SGCZ: variants seen among roughly 807,000 people sequenced by gnomAD.
The protein encoded by SGCZ is zeta-sarcoglycan.
SGCZ carries 40 observed loss-of-function variants against 41.3 expected under a neutral mutation model. That is an observed-to-expected ratio of 0.97 (90% CI 0.75 to 1.26). The LOEUF (loss-of-function observed/expected upper bound fraction) is 1.26. Ranked by LOEUF, SGCZ falls within the 50% of genes most tolerant of loss-of-function variation. SGCZ has a pLI of 0.00. For synonymous variants in SGCZ, 206 were observed against 137.5 expected (o/e 1.50, Z -3.49); for missense variants, 552 against 369.8 (o/e 1.49, Z -4.04).
rs115819974 is a variant in SGCZ, at chr8:14,438,578, C to T, written c.235-114374G>A. Among the ~76,000 whole-genome samples the T allele has an allele frequency of 6.6e-3, 1,009 of 151,780 alleles. 11 individuals carry two copies. Among genetic ancestry groups the T allele is most frequent in the African/African-American group, 0.024 (976 of 41,456 alleles). ...CCATGAAAAAGCATAAAAAGTGTTC[C>T]TAGAGGGAATTAGGAAAGAAAAATT... On this transcript the variant is annotated intron_variant, in intron 2 of 7. Coordinates refer to ENST00000382080, the MANE Select transcript of SGCZ (RefSeq NM_139167.4).
intron 5 of SGCZ, among the ~76,000 whole-genome samples, chr8:14,112,941 G>T (rs1370450115): frequency 2.0e-5 from 3 of 151,932 alleles, no homozygotes; most frequent in Non-Finnish European, 4.4e-5. Context: ...ATATTAATTG[G>T]CATTTATTGT....
intron 2 of SGCZ, among the ~76,000 whole-genome samples, chr8:14,416,854 T>C (rs756819661): frequency 6.6e-6 from 1 of 151,860 alleles, no homozygotes; most frequent in Non-Finnish European, 1.5e-5. Context: ...AGTAGAATAA[T>C]GAGTATAAAA....
At position 15,090,483 on chromosome 8, in the gene SGCZ, C is replaced by T. The variant is rs533210855; in HGVS notation, c.39+147102G>A. Among the ~76,000 whole-genome samples, 3 of 152,162 alleles carry T rather than the reference C, an allele frequency of 2.0e-5. No homozygotes were observed. In the South Asian group the frequency reaches 6.2e-4, roughly 32 times the overall value. On this transcript the variant is annotated intron_variant, in intron 1 of 7. Coordinates refer to ENST00000382080, the MANE Select transcript of SGCZ (RefSeq NM_139167.4). Reference sequence around the variant, plus strand: ...CTCTAAGTCATGTCCAATCAGGCTGCCCATAGGGCTGCACCCAGGAGGGAA... The same window carrying T: ...CTCTAAGTCATGTCCAATCAGGCTGTCCATAGGGCTGCACCCAGGAGGGAA...
At chr8:14,709,711 T>G (rs1310925590) in intron 1 of SGCZ, among the ~76,000 whole-genome samples, 2 of 152,068 alleles carry the variant, frequency 1.3e-5, no homozygotes, top group South Asian at 4.1e-4. Context: ...TATTTAAAAC[T>G]AAATCTTCGT....
At chr8:14,165,755 G>A (rs1349894612) in intron 4 of SGCZ, among the ~76,000 whole-genome samples, 1 of 152,080 alleles carries the variant, frequency 6.6e-6, no homozygotes, top group African/African-American at 2.4e-5. Flanking sequence ...TTATTTATTA[G>A]ATATATGACA....
Position 14,871,219 on chromosome 8 carries a change from A to G in SGCZ, c.40-316293T>C, listed in dbSNP as rs546209810. On this transcript the variant is annotated intron_variant, in intron 1 of 7. Coordinates refer to ENST00000382080, the MANE Select transcript of SGCZ (RefSeq NM_139167.4). The stretch of plus-strand genomic sequence containing the variant: ...TGAAACGCTCTCTCAACAACAAAAA[A>G]AAAAGTCAGGAAACAACAGATGCTG... Among the ~76,000 whole-genome samples the G allele has an allele frequency of 6.9e-4, 105 of 152,268 alleles. 1 individual carries two copies. The highest frequency in any genetic ancestry group is 9.2e-4 in the Admixed American group (14 of 15,286).
intron 2 of SGCZ, among the ~76,000 whole-genome samples, chr8:14,440,856 C>A (rs548901642): frequency 8.1e-6 from 1 of 122,774 alleles, no homozygotes; most frequent in Non-Finnish European, 1.9e-5. Context: ...TATATGTACA[C>A]ACACACACAC....
chr8:15,157,074 T>C (rs1455889887), intron 1 of SGCZ, among the ~76,000 whole-genome samples: 6 of 152,106 alleles, frequency 3.9e-5, no homozygotes. Context: ...ACCTCCAATT[T>C]ACATGAGCAT....
At chr8:14,823,515 A>C (rs1258437782) in intron 1 of SGCZ, among the ~76,000 whole-genome samples, 1 of 152,204 alleles carries the variant, frequency 6.6e-6, no homozygotes, top group Admixed American at 6.5e-5. Context: ...CTACAACTTA[A>C]AGTTACAATA....
chr8:14,093,630 G>A (rs1269809875), intron 7 of SGCZ, among the ~76,000 whole-genome samples: 1 of 152,090 alleles, frequency 6.6e-6, no homozygotes, highest in Non-Finnish European at 1.5e-5. Context: ...ATGGGAGGTA[G>A]CTTTCCACTT....
intron 1 of SGCZ, among the ~76,000 whole-genome samples, chr8:14,601,937 G>A (rs1350959488): frequency 2.6e-5 from 4 of 152,006 alleles, no homozygotes; most frequent in Admixed American, 1.3e-4. Context: ...GGGCTAACAC[G>A]GTGAAACCCC....
At chr8:14,316,476 A>G (rs1434396508) in intron 3 of SGCZ, among the ~76,000 whole-genome samples, 1 of 152,006 alleles carries the variant, frequency 6.6e-6, no homozygotes, top group Non-Finnish European at 1.5e-5. Flanking sequence ...GCCTGACTCA[A>G]CTGTAATTTA....
chr8:14,440,656 T>C (rs953434667), intron 2 of SGCZ, among the ~76,000 whole-genome samples: 3 of 149,924 alleles, frequency 2.0e-5, no homozygotes, highest in South Asian at 2.1e-4. Flanking sequence ...TATACATGTA[T>C]ATATGTGTCT....
At chr8:14,719,928 C>G (rs1809824563) in intron 1 of SGCZ, among the ~76,000 whole-genome samples, 1 of 151,992 alleles carries the variant, frequency 6.6e-6, no homozygotes. Flanking sequence ...AAGTCCTTGT[C>G]CATGCCTATG....
intron 1 of SGCZ, among the ~76,000 whole-genome samples, chr8:14,938,371 T>C (rs913079888): frequency 6.6e-6 from 1 of 152,142 alleles, no homozygotes; most frequent in Non-Finnish European, 1.5e-5. Flanking sequence ...GCAAGACCAA[T>C]CCCTCCTCTT....
intron 1 of SGCZ, among the ~76,000 whole-genome samples, chr8:14,689,434 G>T (rs1228757791): frequency 6.6e-6 from 1 of 152,116 alleles, no homozygotes; most frequent in Non-Finnish European, 1.5e-5. Context: ...AGGACTGTGA[G>T]AGATTATTTA....
At chr8:14,410,877 G>A (rs1472507067) in intron 2 of SGCZ, among the ~76,000 whole-genome samples, 1 of 152,018 alleles carries the variant, frequency 6.6e-6, no homozygotes, top group Non-Finnish European at 1.5e-5. Context: ...TGCTATCTGA[G>A]GGAAAAGTTT....
In SGCZ at chr8:14,099,036, T is replaced by C. The variant is rs570092395; in HGVS notation, c.744+3340A>G. ...AGCTCCACCCATATAAAAAGTCATT[T>C]TTTATAATAGATAAATTGATTCATA... On this transcript the variant is annotated intron_variant, in intron 7 of 7. Coordinates refer to ENST00000382080, the MANE Select transcript of SGCZ (RefSeq NM_139167.4). Among the ~76,000 whole-genome samples the C allele has an allele frequency of 2.6e-5, 4 of 152,342 alleles. 1 individual carries two copies. The highest frequency in any genetic ancestry group is 2.6e-4 in the Admixed American group (4 of 15,302).
chr8:15,001,192 A>G (rs1802406643), intron 1 of SGCZ, among the ~76,000 whole-genome samples: 1 of 152,160 alleles, frequency 6.6e-6, no homozygotes, highest in South Asian at 2.1e-4. Context: ...AACTCAATGC[A>G]ATTTTGACGA....
Sources: allele counts gnomAD v4.1 joint callset (sites outside exome capture counted in the v4.1 genomes callset), GRCh38; gene constraint gnomAD v4.1.1; transcripts MANE v1.5; gene names NCBI Gene and HGNC (gene_info 2026-07-23, HGNC 2026-07-21).